LRBA: variants seen among roughly 807,000 people sequenced by gnomAD.
LRBA encodes LPS responsive beige-like anchor protein.
Under a neutral mutation model 330.0 loss-of-function variants are expected in LRBA, and 176 were observed. The ratio of observed to expected loss-of-function variants is 0.53; its 90% CI spans 0.47 to 0.60. The LOEUF (loss-of-function observed/expected upper bound fraction) is 0.60. Among genes scored for constraint, LRBA ranks in the 20% least tolerant of loss-of-function variants. The pLI is 0.00. For missense variants in LRBA, 3,259 were observed against 3,444.8 expected, an observed-to-expected ratio of 0.95 and a Z score of 1.35; for synonymous variants, 1,230 against 1,193.0, an observed-to-expected ratio of 1.03 and a Z score of -0.64.
At chr4:150,649,687 T>C (rs534962110) in intron 37 of LRBA, among the ~76,000 whole-genome samples, 11 of 152,162 alleles carry the variant, frequency 7.2e-5, no homozygotes, top group Non-Finnish European at 1.5e-4. Context: ...GAACTATTAC[T>C]TACTAAGCAT....
intron 47 of LRBA, among the ~76,000 whole-genome samples, chr4:150,362,342 A>G (rs1738832125): frequency 6.6e-6 from 1 of 152,114 alleles, no homozygotes; most frequent in African/African-American, 2.4e-5. Context: ...CTTTGGTTTC[A>G]TGCTTCATGA....
intron 40 of LRBA, among the ~76,000 whole-genome samples, chr4:150,558,113 G>A (rs1767570687): frequency 1.3e-5 from 2 of 152,038 alleles, no homozygotes; most frequent in South Asian, 4.1e-4. Context: ...TGGCCAGGCT[G>A]GTCTCCAACT....
chr4:150,864,911 C>T (rs1397439919), intron 22 of LRBA, among the ~76,000 whole-genome samples: 1 of 152,066 alleles, frequency 6.6e-6, no homozygotes, highest in African/African-American at 2.4e-5. Flanking sequence ...CCTGTGATTA[C>T]ATGCATGTGC....
intron 47 of LRBA, among the ~76,000 whole-genome samples, chr4:150,370,593 TG>T (rs1561078733): frequency 6.6e-6 from 1 of 152,182 alleles, no homozygotes; most frequent in Non-Finnish European, 1.5e-5. Context: ...CTATTCTGTA[TG>T]GTACTATACA....
intron 40 of LRBA, among the ~76,000 whole-genome samples, chr4:150,535,039 A>G (rs189702475): frequency 6.6e-6 from 1 of 152,264 alleles, no homozygotes. Flanking sequence ...TATTGTTTAT[A>G]CCTTTTATAT....
intron 47 of LRBA, among the ~76,000 whole-genome samples, chr4:150,403,967 G>T (rs2151933445): frequency 6.6e-6 from 1 of 152,240 alleles, no homozygotes; most frequent in Non-Finnish European, 1.5e-5. Flanking sequence ...GGAAGGCAGA[G>T]GTTGCAGTGA....
intron 36 of LRBA, 27 bp from the exon 37 acceptor site, chr4:150,683,744 TA>T: frequency 6.6e-7 from 1 of 1,512,606 alleles, no homozygotes; most frequent in Non-Finnish European, 9.0e-7. Flanking sequence ...AATAATACTA[TA>T]AAAAATGTGA....
At chr4:150,416,092 G>A (rs374492105) in intron 46 of LRBA, among the ~76,000 whole-genome samples, 1 of 151,960 alleles carries the variant, frequency 6.6e-6, no homozygotes, top group Non-Finnish European at 1.5e-5. Flanking sequence ...ATTTCAAAAC[G>A]GTCAAGTTTA....
intron 46 of LRBA, among the ~76,000 whole-genome samples, chr4:150,431,554 C>T (rs1222759322): frequency 6.6e-6 from 1 of 151,936 alleles, no homozygotes; most frequent in African/African-American, 2.4e-5. Context: ...CACTGGAAGA[C>T]TTAGTATCAA....
intron 40 of LRBA, among the ~76,000 whole-genome samples, chr4:150,563,259 A>G (rs767486820): frequency 1.6e-4 from 25 of 152,208 alleles, no homozygotes; most frequent in Non-Finnish European, 2.9e-4. Flanking sequence ...TACACAAATC[A>G]ATAAATGTAA....
At chr4:150,720,851 G>GA (rs939317968) in intron 36 of LRBA, 2 of 279,718 alleles carry the variant, frequency 7.2e-6, no homozygotes, top group Non-Finnish European at 1.4e-5. Flanking sequence ...AAGCAAATCA[G>GA]AAATTAAGGG....
At chr4:150,626,029 T>A (rs1347364603) in intron 37 of LRBA, among the ~76,000 whole-genome samples, 3 of 152,032 alleles carry the variant, frequency 2.0e-5, no homozygotes, top group African/African-American at 7.2e-5. Flanking sequence ...TCCATGGGAT[T>A]CTAATGTCTA....
chr4:150,691,601 G>A (rs1332712521), intron 36 of LRBA, among the ~76,000 whole-genome samples: 2 of 152,180 alleles, frequency 1.3e-5, no homozygotes, highest in African/African-American at 4.8e-5. Flanking sequence ...CTTGGTGGTT[G>A]AATTGTAAAG....
chr4:150,404,607 T>TC (rs1398144729), intron 47 of LRBA, among the ~76,000 whole-genome samples: 1 of 151,942 alleles, frequency 6.6e-6, no homozygotes, highest in Non-Finnish European at 1.5e-5. Context: ...ATCTGGCATT[T>TC]CCCCCCACAC....
intron 36 of LRBA, among the ~76,000 whole-genome samples, chr4:150,698,730 AATT>A (rs148859674): frequency 0.028 from 4,217 of 152,236 alleles, 178 homozygotes; most frequent in African/African-American, 0.096. Context: ...ACAGCTCAAA[AATT>A]ATTATTTCTT....
At chr4:150,326,488 T>C (rs537145096) in intron 48 of LRBA, among the ~76,000 whole-genome samples, 2 of 152,176 alleles carry the variant, frequency 1.3e-5, no homozygotes, top group Non-Finnish European at 2.9e-5. Context: ...TCACTAAACA[T>C]GAGGAACGTG....
intron 35 of LRBA, among the ~76,000 whole-genome samples, chr4:150,738,319 A>C (rs563634787): frequency 1.3e-5 from 2 of 152,146 alleles, no homozygotes; most frequent in Non-Finnish European, 2.9e-5. Context: ...GACTAAAAAT[A>C]GGTCTTTTTT....
intron 13 of LRBA, among the ~76,000 whole-genome samples, chr4:150,905,002 A>C (rs1731172483): frequency 6.6e-6 from 1 of 152,148 alleles, no homozygotes; most frequent in Non-Finnish European, 1.5e-5. Flanking sequence ...CTTCTAACAA[A>C]AATTGTAGAT....
At chr4:150,364,038 T>C (rs988973400) in intron 47 of LRBA, among the ~76,000 whole-genome samples, 3 of 152,100 alleles carry the variant, frequency 2.0e-5, no homozygotes, top group Non-Finnish European at 2.9e-5. Flanking sequence ...AATGATTACA[T>C]GGGAAGGAAA....
Sources: allele counts gnomAD v4.1 joint callset (sites outside exome capture counted in the v4.1 genomes callset), GRCh38; gene constraint gnomAD v4.1.1; transcripts MANE v1.5; gene names NCBI Gene and HGNC (gene_info 2026-07-23, HGNC 2026-07-21).